USH2A: variants seen among roughly 807,000 people sequenced by gnomAD.
USH2A encodes usherin.
A neutral mutation model predicts 538.9 loss-of-function variants in USH2A; 443 were observed. That is an observed-to-expected ratio of 0.82 (90% CI 0.76 to 0.89). The LOEUF (loss-of-function observed/expected upper bound fraction) is 0.89, where lower values mean the gene tolerates loss of function less well. USH2A is among the 40% of genes least tolerant of loss of function. The pLI is 0.00. For missense variants in USH2A, 6,633 were observed against 6,324.8 expected (o/e 1.05, Z -1.65); for synonymous variants, 2,413 against 2,273.5 (o/e 1.06, Z -1.75).
At chr1:216,008,111 T>C (rs1205880614) in intron 32 of USH2A, among the ~76,000 whole-genome samples, 1 of 152,188 alleles carries the variant, frequency 6.6e-6, no homozygotes, top group African/African-American at 2.4e-5. Flanking sequence ...GTCAGATTTC[T>C]GGTTTGGGAA....
Position 216,243,595 on chromosome 1 carries a change from C to G in USH2A, c.2809+2990G>C, listed in dbSNP as rs574026588. On this transcript the variant is annotated intron_variant, in intron 13 of 71. Transcript: ENST00000307340. The stretch of plus-strand genomic sequence containing the variant: ...GAGTAGAACTGATACAGGCTCCACT[C>G]AGGTAACAGCTTAAAGATAAATCTG... 3.9e-5 allele frequency among the ~76,000 whole-genome samples: 6 copies of G among 152,224 alleles called. No homozygotes were observed. In the South Asian group the frequency reaches 8.3e-4, roughly 21 times the overall value.
At chr1:216,331,477 A>G (rs1412536842) in intron 4 of USH2A, among the ~76,000 whole-genome samples, 2 of 152,088 alleles carry the variant, frequency 1.3e-5, no homozygotes, top group African/African-American at 4.8e-5. Flanking sequence ...AAATGGGAAA[A>G]CTAAGTAATC....
chr1:215,880,959 A>G (rs1400684161), intron 41 of USH2A, among the ~76,000 whole-genome samples: 1 of 152,074 alleles, frequency 6.6e-6, no homozygotes, highest in Non-Finnish European at 1.5e-5. Context: ...ACCAAAAATC[A>G]CCTGGGTGTG....
chr1:215,844,830 C>A (rs939820544), intron 45 of USH2A, among the ~76,000 whole-genome samples: 4 of 152,122 alleles, frequency 2.6e-5, no homozygotes, highest in African/African-American at 9.7e-5. Context: ...TCACTCTATA[C>A]CTCCAAGGTG....
intron 21 of USH2A, among the ~76,000 whole-genome samples, chr1:216,153,054 G>A (rs2033871186): frequency 6.6e-6 from 1 of 152,002 alleles, no homozygotes; most frequent in African/African-American, 2.4e-5. Flanking sequence ...AAACTCCAGG[G>A]GAAGATCATC....
At chr1:216,104,333 T>C (rs578255014) in intron 21 of USH2A, among the ~76,000 whole-genome samples, 2,090 of 152,178 alleles carry the variant, frequency 0.014, 50 homozygotes, top group African/African-American at 0.048. Flanking sequence ...TTTTTGTCCT[T>C]GCGATAGTTT....
chr1:216,065,922 A>G (rs2031346239), intron 30 of USH2A, among the ~76,000 whole-genome samples: 1 of 151,976 alleles, frequency 6.6e-6, no homozygotes, highest in South Asian at 2.1e-4. Context: ...AAAATAAAAT[A>G]AAAAATAAAA....
At chr1:216,209,586 T>C (rs1420019366) in intron 15 of USH2A, among the ~76,000 whole-genome samples, 1 of 152,208 alleles carries the variant, frequency 6.6e-6, no homozygotes, top group Non-Finnish European at 1.5e-5. Flanking sequence ...AGATATAATA[T>C]AATCAAATTA....
At chr1:216,192,562 T>G (rs1163730303) in intron 19 of USH2A, among the ~76,000 whole-genome samples, 1 of 151,332 alleles carries the variant, frequency 6.6e-6, no homozygotes. Flanking sequence ...ATTAGTCAGG[T>G]GTAGTGGCAC....
At chr1:215,831,476 A>G (rs925175021) in intron 47 of USH2A, among the ~76,000 whole-genome samples, 3 of 152,104 alleles carry the variant, frequency 2.0e-5, no homozygotes, top group African/African-American at 7.2e-5. Flanking sequence ...AAAAACTGTA[A>G]CTAATTTAAA....
At chr1:216,289,504 C>T in intron 10 of USH2A, 94 bp from the exon 11 acceptor site, 1 of 1,572,820 alleles carries the variant, frequency 6.4e-7, no homozygotes. Context: ...TGAGGGAATT[C>T]TATAATTTTC....
intron 13 of USH2A, among the ~76,000 whole-genome samples, chr1:216,237,245 T>C (rs953868250): frequency 3.3e-5 from 5 of 152,150 alleles, no homozygotes; most frequent in African/African-American, 1.2e-4. Context: ...TTATGCCTAC[T>C]ACTTGGGTTT....
At chr1:216,078,383 G>A (rs1157869306) in intron 26 of USH2A, 21 bp from the exon 27 acceptor site, 1 of 1,610,744 alleles carries the variant, frequency 6.2e-7, no homozygotes, top group East Asian at 2.2e-5. Flanking sequence ...TATTAAAAAA[G>A]AAAGTAGGTA....
At chr1:216,320,432 C>A (rs2037583479) in intron 9 of USH2A, among the ~76,000 whole-genome samples, 1 of 152,142 alleles carries the variant, frequency 6.6e-6, no homozygotes, top group African/African-American at 2.4e-5. Flanking sequence ...GACTAATACA[C>A]CATTCCATAC....
chr1:215,667,432 C>A (rs999931039), intron 64 of USH2A, among the ~76,000 whole-genome samples: 1 of 152,148 alleles, frequency 6.6e-6, no homozygotes, highest in African/African-American at 2.4e-5. Context: ...GACCCTCCTG[C>A]CCGTTAGAAC....
At chr1:215,953,847 GA>G (rs1666993870) in intron 37 of USH2A, among the ~76,000 whole-genome samples, 1 of 151,766 alleles carries the variant, frequency 6.6e-6, no homozygotes, top group African/African-American at 2.4e-5. Context: ...AATCTACAAT[GA>G]ACTCCAACAA....
At chr1:216,225,883 CA>C (rs1205288610) in intron 14 of USH2A, among the ~76,000 whole-genome samples, 2 of 152,096 alleles carry the variant, frequency 1.3e-5, no homozygotes, top group African/African-American at 4.8e-5. Context: ...CTCAGAGAGA[CA>C]GCTGGCTACA....
At position 215,965,404 on chromosome 1, in the gene USH2A, C is replaced by T. The variant is rs1667316486; in HGVS notation, c.7033G>A (p.Ala2345Thr). 6.2e-7 allele frequency: 1 copy of T among 1,613,888 alleles called. No individual in the cohort carries two copies. The highest frequency in any genetic ancestry group is 2.2e-5 in the East Asian group (1 of 44,886). Reference sequence around the variant, plus strand: ...AAAGGTGCTTCCCACCTCACGTGGGCTTTCCGGGATCCCTGTGTTTTGACA... The same window carrying T: ...AAAGGTGCTTCCCACCTCACGTGGGTTTTCCGGGATCCCTGTGTTTTGACA... Reference protein sequence around the residue: ...VFVKTQGSRKAHVRWEAPFRP... With the variant: ...VFVKTQGSRKTHVRWEAPFRP... Residue 2345 changes from alanine to threonine, a missense_variant, in exon 37 of 72, where the codon GCC becomes ACC. Transcript: ENST00000307340.
At chr1:216,257,212 T>C (rs2036276909) in intron 11 of USH2A, among the ~76,000 whole-genome samples, 1 of 152,008 alleles carries the variant, frequency 6.6e-6, no homozygotes, top group Non-Finnish European at 1.5e-5. Context: ...TCTTATAGTA[T>C]AGGTTTCTGT....
Sources: gnomAD v4.1 joint callset for allele counts (sites outside exome capture counted in the v4.1 genomes callset) on GRCh38, gnomAD v4.1.1 for gene constraint, MANE v1.5 for transcripts, NCBI Gene and HGNC (gene_info 2026-07-23, HGNC 2026-07-21) for gene names.